KCNH7: variants seen among roughly 807,000 people sequenced by gnomAD.
The protein encoded by KCNH7 is voltage-gated inwardly rectifying potassium channel KCNH7.
Under a neutral mutation model 120.8 loss-of-function variants are expected in KCNH7, and 49 were observed. That is an observed-to-expected ratio of 0.41 (90% CI 0.32 to 0.51). The LOEUF (loss-of-function observed/expected upper bound fraction) is 0.51. KCNH7 is among the 20% of genes least tolerant of loss of function. The pLI, the probability that KCNH7 is intolerant of heterozygous loss-of-function variation, is 0.38. For missense variants in KCNH7, 1,097 were observed against 1,446.6 expected (o/e 0.76, Z 3.92); for synonymous variants, 547 against 516.1 (o/e 1.06, Z -0.81).
At chr2:162,382,883 A>G (rs901685528) in intron 13 of KCNH7, among the ~76,000 whole-genome samples, 2 of 152,038 alleles carry the variant, frequency 1.3e-5, no homozygotes, top group Non-Finnish European at 2.9e-5. Context: ...TTGAAGCTAT[A>G]TGATATCAAT....
At chr2:162,484,967 A>G (rs976939976) in intron 6 of KCNH7, among the ~76,000 whole-genome samples, 2 of 152,190 alleles carry the variant, frequency 1.3e-5, no homozygotes, top group East Asian at 3.9e-4. Flanking sequence ...AAATTTTTTT[A>G]AAATAATTTA....
chr2:162,804,667 AC>A (rs1353534104), intron 2 of KCNH7, among the ~76,000 whole-genome samples: 1 of 151,990 alleles, frequency 6.6e-6, no homozygotes, highest in African/African-American at 2.4e-5. Flanking sequence ...AAATGGCCAT[AC>A]TGCCCAAAAC....
At chr2:162,513,730 A>T (rs1336437084) in intron 4 of KCNH7, among the ~76,000 whole-genome samples, 3 of 151,762 alleles carry the variant, frequency 2.0e-5, no homozygotes, top group Admixed American at 6.6e-5. Context: ...TATATATTTT[A>T]AAAATAGCAA....
intron 2 of KCNH7, among the ~76,000 whole-genome samples, chr2:162,715,496 T>C (rs1300481506): frequency 6.6e-6 from 1 of 152,204 alleles, no homozygotes; most frequent in Non-Finnish European, 1.5e-5. Flanking sequence ...GATCCCATAA[T>C]GTCCCCAGAT....
At chr2:162,407,621 G>T (rs1003076170) in intron 9 of KCNH7, among the ~76,000 whole-genome samples, 5 of 151,948 alleles carry the variant, frequency 3.3e-5, no homozygotes, top group Non-Finnish European at 7.4e-5. Flanking sequence ...GGAAAACTTG[G>T]AACCCATTAA....
At chr2:162,423,061 C>G (rs2105489925) in intron 9 of KCNH7, among the ~76,000 whole-genome samples, 1 of 152,148 alleles carries the variant, frequency 6.6e-6, no homozygotes, top group South Asian at 2.1e-4. Flanking sequence ...CCAGCTAAAG[C>G]AATGCTCTCT....
At chr2:162,437,085 C>A (rs1688265857) in intron 7 of KCNH7, among the ~76,000 whole-genome samples, 1 of 152,142 alleles carries the variant, frequency 6.6e-6, no homozygotes, top group Non-Finnish European at 1.5e-5. Flanking sequence ...TGTGCCACTG[C>A]ACTCAAGCCT....
intron 9 of KCNH7, among the ~76,000 whole-genome samples, chr2:162,409,272 T>C (rs1210037174): frequency 1.3e-5 from 2 of 151,794 alleles, no homozygotes; most frequent in African/African-American, 4.8e-5. Context: ...ATACAGAAAA[T>C]ATTATTTTAT....
At chr2:162,665,949 C>T (rs777323092) in intron 2 of KCNH7, among the ~76,000 whole-genome samples, 9 of 152,134 alleles carry the variant, frequency 5.9e-5, no homozygotes, top group Non-Finnish European at 1.2e-4. Flanking sequence ...TTTTGCACAG[C>T]ATGGTACACA....
chr2:162,771,736 T>C (rs1191762639), intron 2 of KCNH7, among the ~76,000 whole-genome samples: 1 of 152,144 alleles, frequency 6.6e-6, no homozygotes, highest in Non-Finnish European at 1.5e-5. Context: ...ATTTTTTTCC[T>C]AGCCTTTTAT....
intron 2 of KCNH7, among the ~76,000 whole-genome samples, chr2:162,628,802 G>A (rs1037208463): frequency 2.6e-5 from 4 of 152,000 alleles, no homozygotes; most frequent in African/African-American, 7.2e-5. Flanking sequence ...TTAATGGCTG[G>A]CTAGTATTCC....
intron 2 of KCNH7, among the ~76,000 whole-genome samples, chr2:162,660,626 G>T (rs1684925297): frequency 6.6e-6 from 1 of 152,110 alleles, no homozygotes; most frequent in Non-Finnish European, 1.5e-5. Context: ...TATTCAATTG[G>T]TTGATGCTGC....
intron 12 of KCNH7, among the ~76,000 whole-genome samples, chr2:162,387,390 C>T (rs965349169): frequency 1.3e-5 from 2 of 151,288 alleles, no homozygotes; most frequent in African/African-American, 4.9e-5. Context: ...TTATAATTAG[C>T]CTCCAGGTAC....
rs541049322 is a variant in KCNH7 at position 162,707,189 on chromosome 2, A to T, written c.307+129348T>A. ...TGATTCCATTTTTGTTTAGTTTTTT[A>T]AAAAAATCTTAGCTATAAATTTGAG... On this transcript the variant is annotated intron_variant, in intron 2 of 15. Transcript: ENST00000332142. 1.6e-3 allele frequency among the ~76,000 whole-genome samples: 243 copies of T among 152,214 alleles called. 2 individuals carry two copies. Among genetic ancestry groups the T allele is most frequent in the African/African-American group, 5.6e-3 (232 of 41,546 alleles).
intron 2 of KCNH7, among the ~76,000 whole-genome samples, chr2:162,761,767 C>T (rs755895429): frequency 3.3e-5 from 5 of 152,000 alleles, no homozygotes; most frequent in Non-Finnish European, 7.4e-5. Flanking sequence ...TGAGGTGCAT[C>T]ATACAAAGAG....
rs940148986 is a variant in KCNH7, at chr2:162,509,414, C to T, written c.913+3240G>A. Among the ~76,000 whole-genome samples, 11 of 151,516 alleles carry T rather than the reference C, an allele frequency of 7.3e-5. No homozygotes were observed. The South Asian group carries it at 2.3e-3, about 31-fold the overall frequency. The stretch of plus-strand genomic sequence containing the variant: ...GTTTTTAAATCATCAGGTATTTGTA[C>T]AATATATCTTAGGGCACTGAGTTTA... On this transcript the variant is annotated intron_variant, in intron 5 of 15. Coordinates refer to ENST00000332142, the MANE Select transcript of KCNH7 (RefSeq NM_033272.4).
At chr2:162,414,164 T>C (rs565509252) in intron 9 of KCNH7, among the ~76,000 whole-genome samples, 12 of 151,986 alleles carry the variant, frequency 7.9e-5, no homozygotes, top group Non-Finnish European at 1.2e-4. Flanking sequence ...ACATTGTTAA[T>C]AGAAATGTAA....
chr2:162,501,038 C>CTA (rs1272903414), intron 6 of KCNH7, among the ~76,000 whole-genome samples: 1 of 152,038 alleles, frequency 6.6e-6, no homozygotes, highest in Non-Finnish European at 1.5e-5. Context: ...TTTCCAGAGG[C>CTA]TATGCCTGCA....
intron 7 of KCNH7, among the ~76,000 whole-genome samples, chr2:162,436,272 C>A (rs770837791): frequency 2.6e-5 from 4 of 152,226 alleles, no homozygotes; most frequent in Admixed American, 2.6e-4. Context: ...CAAGCCCCTT[C>A]TTCCCATAAC....
Sources: allele counts gnomAD v4.1 joint callset (sites outside exome capture counted in the v4.1 genomes callset), GRCh38; gene constraint gnomAD v4.1.1; transcripts MANE v1.5; gene names NCBI Gene and HGNC (gene_info 2026-07-23, HGNC 2026-07-21).